The following ZNF160 variants were observed in gnomAD, a reference collection of about 807,000 sequenced individuals.
ZNF160 encodes zinc finger protein 160.
Under a neutral mutation model 13.1 loss-of-function variants are expected in ZNF160, and 9 were observed. That is an observed-to-expected ratio of 0.69 (90% CI 0.41 to 1.20). The LOEUF (loss-of-function observed/expected upper bound fraction) is 1.20, where lower values mean the gene tolerates loss of function less well. ZNF160 is among the 50% of genes most tolerant of loss of function. The pLI, the probability that ZNF160 is intolerant of heterozygous loss-of-function variation, is 0.01. For synonymous variants in ZNF160, 293 were observed against 333.2 expected (o/e 0.88, Z 1.31); for missense variants, 838 against 988.0 (o/e 0.85, Z 2.04).
At chr19:53,087,708 G>A (rs329714) in intron 2 of ZNF160, among the ~76,000 whole-genome samples, 104,635 of 150,804 alleles carry the variant, frequency 0.69, 36,569 homozygotes, top group African/African-American at 0.72. Context: ...CCGCCACCAC[G>A]CCCGGCTAAT....
At chr19:53,092,676 T>G (rs1035405118) in intron 1 of ZNF160, among the ~76,000 whole-genome samples, 1 of 152,226 alleles carries the variant, frequency 6.6e-6, no homozygotes, top group Non-Finnish European at 1.5e-5. Context: ...TTAAATGGCA[T>G]CGTATCTACT....
intron 2 of ZNF160, among the ~76,000 whole-genome samples, chr19:53,089,868 C>T (rs1049886701): frequency 1.7e-4 from 26 of 151,316 alleles, no homozygotes; most frequent in African/African-American, 5.6e-4. Flanking sequence ...TTTTGAGCCC[C>T]TCTCCTCTCC....
At chr19:53,074,319 C>T (rs1361690591) in intron 4 of ZNF160, 51 bp from the exon 5 acceptor site, 2 of 1,605,668 alleles carry the variant, frequency 1.2e-6, no homozygotes, top group Non-Finnish European at 1.7e-6. Flanking sequence ...TCCAGAATCC[C>T]AGCCCTATGT....
At chr19:53,103,087 C>A (rs563671958) in intron 1 of ZNF160, among the ~76,000 whole-genome samples, 178 bp downstream of exon 1, 1 of 152,028 alleles carries the variant, frequency 6.6e-6, no homozygotes, top group South Asian at 2.1e-4. Context: ...CGATGCGGGG[C>A]GGGAGGAGGA....
chr19:53,098,497 C>T (rs2085317914), intron 1 of ZNF160, among the ~76,000 whole-genome samples: 1 of 151,884 alleles, frequency 6.6e-6, no homozygotes, highest in African/African-American at 2.4e-5. Flanking sequence ...TTTGGGGACA[C>T]CATGGAATCC....
chr19:53,086,464 C>G (rs1182390376), intron 2 of ZNF160, 143 bp from the exon 3 acceptor site: 2 of 597,926 alleles, frequency 3.3e-6, no homozygotes, highest in Non-Finnish European at 5.3e-6. Context: ...CCTCTGCGCC[C>G]CACTGCACCA....
At chr19:53,081,106 C>G (rs1600852384) in intron 3 of ZNF160, among the ~76,000 whole-genome samples, 1 of 152,246 alleles carries the variant, frequency 6.6e-6, no homozygotes, top group East Asian at 1.9e-4. Context: ...AGACCTCCAA[C>G]TATAAAAATC....
intron 2 of ZNF160, among the ~76,000 whole-genome samples, chr19:53,090,514 G>A (rs573940665): frequency 3.3e-5 from 5 of 152,310 alleles, no homozygotes; most frequent in Admixed American, 2.6e-4. Context: ...CATATTTACA[G>A]GGAAGGGGAT....
chr19:53,070,897 C>A (rs1415360279), intron 5 of ZNF160, among the ~76,000 whole-genome samples: 1 of 151,444 alleles, frequency 6.6e-6, no homozygotes, highest in Non-Finnish European at 1.5e-5. Context: ...TCTACAAAAA[C>A]AAAATAATTT....
chr19:53,077,194 G>C (rs2084425158), intron 3 of ZNF160: 1 of 152,188 alleles, frequency 6.6e-6, no homozygotes, highest in African/African-American at 2.4e-5. Flanking sequence ...ATACAAACTG[G>C]CACAAGCTCT....
intron 3 of ZNF160, among the ~76,000 whole-genome samples, chr19:53,083,369 C>T (rs2084706159): frequency 6.6e-6 from 1 of 152,108 alleles, no homozygotes; most frequent in Admixed American, 6.5e-5. Context: ...TGCAAAAAGA[C>T]AACACTTAGG....
At chr19:53,079,959 G>GA (rs572578092) in intron 3 of ZNF160, among the ~76,000 whole-genome samples, 270 of 152,098 alleles carry the variant, frequency 1.8e-3, no homozygotes, top group African/African-American at 6.3e-3. Flanking sequence ...AAACGAAAAG[G>GA]AAAAGGAGGA....
intron 3 of ZNF160, among the ~76,000 whole-genome samples, chr19:53,079,531 C>G (rs970812331): frequency 4.2e-5 from 4 of 96,376 alleles, no homozygotes; most frequent in African/African-American, 1.6e-4. Context: ...GCCTGAGCAA[C>G]AAGAGCAAAA....
At chr19:53,079,920 T>C (rs1187501071) in intron 3 of ZNF160, among the ~76,000 whole-genome samples, 1 of 152,084 alleles carries the variant, frequency 6.6e-6, no homozygotes, top group Non-Finnish European at 1.5e-5. Flanking sequence ...ACTCTGTCTC[T>C]ATTTTTTAGC....
chr19:53,074,101 T>A, intron 5 of ZNF160, 39 bp downstream of exon 5: 1 of 1,600,520 alleles, frequency 6.2e-7, no homozygotes. Context: ...CACACTCTAG[T>A]TAATGAGTGG....
rs2085522274 is a variant in ZNF160, at chr19:53,103,398, C to G, written c.-487G>C. The G allele has an allele frequency of 6.6e-6, 1 of 152,290 alleles. No homozygotes were observed. Among genetic ancestry groups the G allele is most frequent in the Non-Finnish European group, 1.5e-5 (1 of 68,100 alleles). The allele number at this position is 152,290 out of a possible 1,614,324, so 9.4% of individuals were successfully genotyped here. On this transcript the variant is annotated 5_prime_UTR_variant, in exon 1 of 6. Coordinates refer to ENST00000683776, the MANE Select transcript of ZNF160 (RefSeq NM_001322131.2). ...CTCATACGCCATGGTGTGATGCTTG[C>G]TCCGCACGATCCACTTCCGGGTCTG...
At chr19:53,077,588 G>A (rs1197043164) in intron 3 of ZNF160, among the ~76,000 whole-genome samples, 2 of 148,278 alleles carry the variant, frequency 1.3e-5, no homozygotes, top group African/African-American at 5.0e-5. Context: ...AGAATCGCTT[G>A]AACCCGGGAG....
At chr19:53,084,151 G>A (rs1452544617) in intron 3 of ZNF160, among the ~76,000 whole-genome samples, 3 of 152,096 alleles carry the variant, frequency 2.0e-5, no homozygotes, top group Non-Finnish European at 2.9e-5. Flanking sequence ...TCTCCCACCC[G>A]GAGAGTTTCA....
At position 53,070,171 on chromosome 19, in the gene ZNF160, G is replaced by C. The variant is rs145393931; in HGVS notation, c.363C>G (p.His121Gln). ...AVFHTVVLER[H>Q]ESPDIEDFSF... ...AAAAGTCTTCAATGTCAGGGCTTTC[G>C]TGTCTTTCCAACACCACTGTGTGGA... The change falls in exon 6 of 6, where the codon CAC becomes CAG. Residue 121 changes from histidine (H) to glutamine (Q), a missense_variant. By Grantham distance (24) the His-to-Gln change is conservative. Around this residue, in one of 3 missense-constraint regions of ZNF160, gnomAD observed 387 missense variants for 402.3 expected, o/e 0.96. Coordinates refer to ENST00000683776, the MANE Select transcript of ZNF160 (RefSeq NM_001322131.2). The C allele has an allele frequency of 6.2e-7, 1 of 1,613,958 alleles. No homozygotes were observed. Among genetic ancestry groups the C allele is most frequent in the Admixed American group, 1.7e-5 (1 of 59,998 alleles).
Sources: allele counts gnomAD v4.1 joint callset (sites outside exome capture counted in the v4.1 genomes callset), GRCh38; gene constraint gnomAD v4.1.1; regional missense constraint gnomAD v4.1.1; transcripts MANE v1.5; gene names NCBI Gene and HGNC (gene_info 2026-07-23, HGNC 2026-07-21).